The following NWD1 variants were observed in gnomAD, a reference collection of about 807,000 sequenced individuals.
NWD1 encodes the protein NACHT domain- and WD repeat-containing protein 1.
A neutral mutation model predicts 135.1 loss-of-function variants in NWD1; 129 were observed. The observed-to-expected ratio is 0.96, with a 90% CI of 0.83 to 1.11. NWD1 has a LOEUF of 1.11. Among genes scored for constraint, NWD1 ranks in the 50% least tolerant of loss-of-function variants. The pLI is 0.00. For missense variants in NWD1, 1,740 were observed against 1,851.3 expected, an observed-to-expected ratio of 0.94 and a Z score of 1.10; for synonymous variants, 773 against 786.0, an observed-to-expected ratio of 0.98 and a Z score of 0.28.
chr19:16,776,615 C>T (rs887062863), intron 11 of NWD1, among the ~76,000 whole-genome samples: 83 of 148,618 alleles, frequency 5.6e-4, no homozygotes, highest in African/African-American at 2.0e-3. Flanking sequence ...TCCAAGGTCA[C>T]ACAATGAGTG....
Position 16,742,511 on chromosome 19 carries a change from C to T in NWD1, c.199-1910C>T, listed in dbSNP as rs144006927. Among the ~76,000 whole-genome samples the T allele has an allele frequency of 8.9e-4, 135 of 152,248 alleles. 1 individual carries two copies. Among genetic ancestry groups the T allele is most frequent in the African/African-American group, 2.9e-3 (120 of 41,532 alleles). ...AAGCCATCCTGTGACCTTGGACTAA[C>T]TCTGTTCCATCCCCAGGCCCCTGTT... is the stretch of plus-strand genomic sequence containing the variant. On this transcript the variant is annotated intron_variant, in intron 4 of 18. Coordinates refer to ENST00000524140, the MANE Select transcript of NWD1 (RefSeq NM_001007525.5).
chr19:16,812,272 G>A (rs920360797), intron 18 of NWD1, among the ~76,000 whole-genome samples: 33 of 151,694 alleles, frequency 2.2e-4, no homozygotes, highest in African/African-American at 8.0e-4. Flanking sequence ...TGGCATCACT[G>A]CACTCCAGCC....
At chr19:16,738,630 T>TGC (rs752721073) in intron 4 of NWD1, among the ~76,000 whole-genome samples, 10,861 of 146,218 alleles carry the variant, frequency 0.074, 615 homozygotes, top group African/African-American at 0.16. Context: ...TGAGATCTAT[T>TGC]TTCTGAGACC....
chr19:16,744,192 C>T (rs1299059360), intron 4 of NWD1, among the ~76,000 whole-genome samples: 1 of 151,954 alleles, frequency 6.6e-6, no homozygotes, highest in Non-Finnish European at 1.5e-5. Context: ...AGTTCAATAC[C>T]AGCCCGGGTA....
chr19:16,809,093 T>A (rs989510474), intron 18 of NWD1, among the ~76,000 whole-genome samples: 1 of 151,436 alleles, frequency 6.6e-6, no homozygotes, highest in African/African-American at 2.4e-5. Flanking sequence ...TGAAGATAAA[T>A]AATTTTTTTT....
Position 16,799,984 on chromosome 19 carries a change from T to C in NWD1, c.3558T>C (p.Ser1186=), listed in dbSNP as rs1970547949. Reference sequence around the variant, plus strand: ...CCCGCGGCGGGGCTTTGGTGGCATCTGCTTCCCCACAGTCCTCATCTTTCA... The same window carrying C: ...CCCGCGGCGGGGCTTTGGTGGCATCCGCTTCCCCACAGTCCTCATCTTTCA... ...LLARGGALVA[S]ASPQSSSFKV... is the part of the protein sequence containing the mutation. The change falls in exon 17 of 19, where the codon TCT becomes TCC. Residue 1186 remains serine, a synonymous_variant. Coordinates refer to ENST00000524140, the MANE Select transcript of NWD1 (RefSeq NM_001007525.5). 2 of 1,614,110 alleles carry C rather than the reference T, an allele frequency of 1.2e-6. No homozygotes were observed. The highest frequency in any genetic ancestry group is 1.7e-6 in the Non-Finnish European group (2 of 1,180,048).
chr19:16,790,584 A>G (rs1970205922), intron 13 of NWD1, among the ~76,000 whole-genome samples: 1 of 151,754 alleles, frequency 6.6e-6, no homozygotes, highest in South Asian at 2.1e-4. Flanking sequence ...ATACCTATGT[A>G]ACAAACCTGC....
intron 10 of NWD1, among the ~76,000 whole-genome samples, chr19:16,769,355 G>A (rs548816678): frequency 3.0e-4 from 46 of 152,006 alleles, no homozygotes; most frequent in Non-Finnish European, 5.3e-4. Context: ...CCAGTTACTC[G>A]GGAGGCTGAG....
At chr19:16,742,319 G>A (rs1417023926) in intron 4 of NWD1, among the ~76,000 whole-genome samples, 1 of 152,138 alleles carries the variant, frequency 6.6e-6, no homozygotes, top group Non-Finnish European at 1.5e-5. Flanking sequence ...AGGTTGCAGT[G>A]ATCTGAGATT....
chr19:16,762,310 T>C (rs1198526517), intron 8 of NWD1, among the ~76,000 whole-genome samples, 172 bp downstream of exon 8: 3 of 148,232 alleles, frequency 2.0e-5, no homozygotes, highest in Non-Finnish European at 4.5e-5. Flanking sequence ...TTTTTTTTTT[T>C]TTTTGAGACA....
chr19:16,731,062 A>C, intron 2 of NWD1, 130 bp from the exon 3 acceptor site: 1 of 562,908 alleles, frequency 1.8e-6, no homozygotes. Context: ...TGGGCAACAT[A>C]GCGAGATCCC....
At position 16,743,515 on chromosome 19, in the gene NWD1, C is replaced by A. The variant is rs78311337; in HGVS notation, c.199-906C>A. Among the ~76,000 whole-genome samples the A allele has an allele frequency of 6.3e-3, 958 of 151,192 alleles. 11 individuals are homozygous for A. The highest frequency in any genetic ancestry group is 9.5e-3 in the Non-Finnish European group (641 of 67,708). Reference sequence around the variant, plus strand: ...GAGCCACCATGCCTAGCCTAGGGGACAATTCTTTATTGACCCTCGTGACTT... The same window carrying A: ...GAGCCACCATGCCTAGCCTAGGGGAAAATTCTTTATTGACCCTCGTGACTT... On this transcript the variant is annotated intron_variant, in intron 4 of 18. Transcript: ENST00000524140.
intron 18 of NWD1, among the ~76,000 whole-genome samples, chr19:16,812,587 T>A (rs527680560): frequency 6.6e-6 from 1 of 152,060 alleles, no homozygotes; most frequent in South Asian, 2.1e-4. Context: ...GAGAATCGCT[T>A]GAACCTGGGA....
chr19:16,788,799 C>T (rs1278416360), intron 12 of NWD1, among the ~76,000 whole-genome samples, 183 bp from the exon 13 acceptor site: 1 of 152,036 alleles, frequency 6.6e-6, no homozygotes, highest in African/African-American at 2.4e-5. Flanking sequence ...TCCTTTATAG[C>T]CTGTTTGCCA....
chr19:16,790,909 T>C (rs1433886429), intron 13 of NWD1, among the ~76,000 whole-genome samples: 1 of 152,044 alleles, frequency 6.6e-6, no homozygotes, highest in African/African-American at 2.4e-5. Flanking sequence ...CCACCTCTCC[T>C]TTTTTTCTCT....
chr19:16,758,525 C>T (rs1046021471), intron 6 of NWD1, among the ~76,000 whole-genome samples: 2 of 152,160 alleles, frequency 1.3e-5, no homozygotes, highest in Non-Finnish European at 2.9e-5. Flanking sequence ...AGTCCTCCTG[C>T]CTCAGCCTCC....
intron 16 of NWD1, 93 bp downstream of exon 16, chr19:16,797,979 C>A: frequency 1.6e-6 from 2 of 1,280,064 alleles, no homozygotes; most frequent in East Asian, 2.4e-5. Flanking sequence ...TACAGACACC[C>A]ACAAAAATGA....
In NWD1 at chr19:16,739,541, C is replaced by T. The variant is rs1967996066; in HGVS notation, c.198+2791C>T. ...CCGGCCCTGGGACCTTCCAGAAAGG[C>T]CCTATGGCCAGCTGAGCTGGACTTC... On this transcript the variant is annotated intron_variant, in intron 4 of 18. Coordinates refer to ENST00000524140, the MANE Select transcript of NWD1 (RefSeq NM_001007525.5). Among the ~76,000 whole-genome samples, 8 of 152,128 alleles carry T rather than the reference C, an allele frequency of 5.3e-5. No homozygotes were observed. The South Asian group carries it at 1.7e-3, about 32-fold the overall frequency.
In NWD1 at chr19:16,744,300, C is replaced by T. The variant is rs1968207743; in HGVS notation, c.199-121C>T. Reference sequence around the variant, plus strand: ...GTCCAAGTGGGAGGATCACTTAAACCCAGGAGGTTGAGGCTGCAGTGAGCC... The same window carrying T: ...GTCCAAGTGGGAGGATCACTTAAACTCAGGAGGTTGAGGCTGCAGTGAGCC... On this transcript the variant is annotated intron_variant, in intron 4 of 18. Coordinates refer to ENST00000524140, the MANE Select transcript of NWD1 (RefSeq NM_001007525.5). The T allele has an allele frequency of 9.3e-6, 7 of 755,034 alleles. No homozygotes were observed. In the Admixed American group the frequency reaches 1.3e-4, roughly 14 times the overall value. 46.8% of individuals were successfully genotyped at this position (755,034 alleles called of 1,614,324 possible).
Sources: gnomAD v4.1 joint callset for allele counts (sites outside exome capture counted in the v4.1 genomes callset) on GRCh38, gnomAD v4.1.1 for gene constraint, MANE v1.5 for transcripts, NCBI Gene and HGNC (gene_info 2026-07-23, HGNC 2026-07-21) for gene names.